EXOC6: variants seen among roughly 807,000 people sequenced by gnomAD.
EXOC6 encodes the protein SEC15-like 1.
EXOC6 carries 60 observed loss-of-function variants against 112.5 expected under a neutral mutation model. The ratio of observed to expected loss-of-function variants is 0.53; its 90% confidence interval spans 0.43 to 0.66. The LOEUF is 0.66. Among genes scored for constraint, EXOC6 ranks in the 30% least tolerant of loss-of-function variants. The probability of loss-of-function intolerance (pLI) is 0.00; values close to 1 mark genes in which losing one functional copy is unlikely to be tolerated. For missense variants in EXOC6, 855 were observed against 957.1 expected, an observed-to-expected ratio of 0.89 and a Z score of 1.41; for synonymous variants, 295 against 308.0, an observed-to-expected ratio of 0.96 and a Z score of 0.44.
At chr10:92,896,910 T>A (rs1163427160) in intron 4 of EXOC6, among the ~76,000 whole-genome samples, 3 of 152,220 alleles carry the variant, frequency 2.0e-5, no homozygotes, top group African/African-American at 7.2e-5. Flanking sequence ...AATGAAATTC[T>A]ACTCAGCTTA....
At chr10:93,029,962 G>T (rs1845199444) in intron 20 of EXOC6, among the ~76,000 whole-genome samples, 1 of 150,574 alleles carries the variant, frequency 6.6e-6, no homozygotes, top group Non-Finnish European at 1.5e-5. Context: ...AGGCTGGAGC[G>T]CAATGGCGCG....
At chr10:92,849,871 G>C (rs1847240195) in intron 1 of EXOC6, among the ~76,000 whole-genome samples, 1 of 152,136 alleles carries the variant, frequency 6.6e-6, no homozygotes, top group Admixed American at 6.5e-5. Flanking sequence ...AGGAAACTCA[G>C]AACATTAGGG....
At chr10:93,000,943 A>T (rs886286917) in intron 19 of EXOC6, among the ~76,000 whole-genome samples, 2 of 152,230 alleles carry the variant, frequency 1.3e-5, no homozygotes, top group Non-Finnish European at 2.9e-5. Flanking sequence ...TCTAATAAAT[A>T]TGTTAAAAGA....
intron 1 of EXOC6, among the ~76,000 whole-genome samples, chr10:92,863,943 A>C (rs937709442): frequency 1.3e-5 from 2 of 149,898 alleles, no homozygotes; most frequent in Non-Finnish European, 3.0e-5. Context: ...CAAAAAAACA[A>C]AAAAAAAAGA....
chr10:93,015,727 C>T (rs1487557315), intron 20 of EXOC6, among the ~76,000 whole-genome samples: 3 of 149,766 alleles, frequency 2.0e-5, no homozygotes, highest in Non-Finnish European at 4.4e-5. Flanking sequence ...AGCGAGACTC[C>T]GTCTCAAAAA....
intron 20 of EXOC6, among the ~76,000 whole-genome samples, chr10:93,025,884 C>A (rs1005960450): frequency 3.3e-5 from 5 of 152,200 alleles, no homozygotes; most frequent in African/African-American, 1.2e-4. Context: ...CCACCCCACA[C>A]TGTGCCTCTT....
chr10:92,970,252 G>C (rs755205017), intron 17 of EXOC6, among the ~76,000 whole-genome samples: 5 of 152,126 alleles, frequency 3.3e-5, no homozygotes, highest in Non-Finnish European at 7.4e-5. Context: ...AAGAAAAAAT[G>C]CGTGGTGCAT....
At chr10:92,997,258 A>G (rs570065980) in intron 18 of EXOC6, among the ~76,000 whole-genome samples, 34 of 152,302 alleles carry the variant, frequency 2.2e-4, no homozygotes, top group African/African-American at 7.7e-4. Flanking sequence ...TGATATTTAT[A>G]TCCTGAGAAA....
chr10:92,840,369 T>C (rs1564762525), intron 1 of EXOC6, among the ~76,000 whole-genome samples: 1 of 152,170 alleles, frequency 6.6e-6, no homozygotes. Flanking sequence ...TCTGAAACTA[T>C]AAAGTGGGGA....
intron 20 of EXOC6, among the ~76,000 whole-genome samples, chr10:93,031,637 C>T (rs377148971): frequency 2.0e-5 from 3 of 151,540 alleles, no homozygotes; most frequent in Non-Finnish European, 2.9e-5. Flanking sequence ...CTCAGCCTCC[C>T]GAGCAGCTGG....
At chr10:92,965,966 T>C (rs1842030781) in intron 17 of EXOC6, among the ~76,000 whole-genome samples, 1 of 152,154 alleles carries the variant, frequency 6.6e-6, no homozygotes, top group African/African-American at 2.4e-5. Context: ...TTCCCTGACA[T>C]AGATTTATTT....
At chr10:92,891,951 T>C (rs1019943733) in intron 1 of EXOC6, among the ~76,000 whole-genome samples, 7 of 152,156 alleles carry the variant, frequency 4.6e-5, no homozygotes, top group Non-Finnish European at 1.0e-4. Context: ...TACAAAGTAA[T>C]ATATGATTAC....
intron 18 of EXOC6, among the ~76,000 whole-genome samples, chr10:92,983,500 C>CTTTTTTTTTTTTTTTTTTTT (rs11349490): frequency 9.1e-6 from 1 of 109,398 alleles, no homozygotes; most frequent in Non-Finnish European, 1.8e-5. Context: ...CTTTCTTCTT[C>CTTTTTTTTTTTTTTTTTTTT]TTTTTTTTTT....
chr10:93,015,454 A>G (rs890330377), intron 20 of EXOC6, among the ~76,000 whole-genome samples: 2 of 152,218 alleles, frequency 1.3e-5, no homozygotes, highest in Non-Finnish European at 2.9e-5. Flanking sequence ...TCCTTATAAG[A>G]CAATGAGTTG....
At chr10:92,957,866 A>C (rs1853777692) in intron 17 of EXOC6, among the ~76,000 whole-genome samples, 1 of 152,180 alleles carries the variant, frequency 6.6e-6, no homozygotes, top group South Asian at 2.1e-4. Context: ...TTTCACAAAA[A>C]CGATTGAAGT....
intron 13 of EXOC6, 57 bp from the exon 14 acceptor site, chr10:92,948,217 T>C (rs771383046): frequency 1.8e-6 from 2 of 1,134,154 alleles, no homozygotes; most frequent in East Asian, 4.9e-5. Context: ...TATTGTCTTT[T>C]AGTACTCTAA....
At chr10:92,870,562 T>C (rs1289560109) in intron 1 of EXOC6, among the ~76,000 whole-genome samples, 1 of 152,226 alleles carries the variant, frequency 6.6e-6, no homozygotes, top group African/African-American at 2.4e-5. Flanking sequence ...TTGATATTTA[T>C]AAGTGAGATT....
chr10:92,847,256 C>T (rs917579957), upstream of EXOC6, among the ~76,000 whole-genome samples: 1 of 152,252 alleles, frequency 6.6e-6, no homozygotes, highest in African/African-American at 2.4e-5. Flanking sequence ...ATGAGGCAGA[C>T]ACTGCCATTG....
intron 14 of EXOC6, among the ~76,000 whole-genome samples, chr10:92,948,652 C>T (rs1170628554): frequency 6.6e-6 from 1 of 150,960 alleles, no homozygotes; most frequent in Non-Finnish European, 1.5e-5. Context: ...AAGAGACTTT[C>T]CTGGGCCTAC....
Sources: allele counts gnomAD v4.1 joint callset (sites outside exome capture counted in the v4.1 genomes callset), GRCh38; gene constraint gnomAD v4.1.1; transcripts MANE v1.5; gene names NCBI Gene and HGNC (gene_info 2026-07-23, HGNC 2026-07-21).